PPP1R18: variants seen among roughly 807,000 people sequenced by gnomAD.
PPP1R18 encodes protein phosphatase 1 regulatory subunit 18, also known as phostensin.
In PPP1R18, 31 loss-of-function variants were observed where a neutral mutation model predicts 54.8. The observed-to-expected ratio is 0.57, with a 90% confidence interval of 0.43 to 0.76. The LOEUF is 0.76. PPP1R18 is among the 30% of genes least tolerant of loss of function. PPP1R18 has a pLI of 0.00. For missense variants in PPP1R18, 685 were observed against 776.1 expected (o/e 0.88, Z 1.39); for synonymous variants, 310 against 320.2 (o/e 0.97, Z 0.34).
At position 30,685,006 on chromosome 6, in the gene PPP1R18, G is replaced by A. The variant is rs1192979954; in HGVS notation, c.1013C>T (p.Ser338Phe). 1 of 1,613,052 alleles carries A rather than the reference G, an allele frequency of 6.2e-7. No individual in the cohort carries two copies. The highest frequency in any genetic ancestry group is 8.5e-7 in the Non-Finnish European group (1 of 1,179,988). The change falls in exon 1 of 3, where the codon TCC becomes TTC. Residue 338 changes from serine (S) to phenylalanine (F), a missense_variant. Transcript: ENST00000274853. This position sits in a 1 kb window ranked among gnomAD's most constrained non-coding sequence, Gnocchi z 5.0. ...PTEGWKWTLN[S>F]GKAREWTPRD... is the part of the protein sequence containing the mutation. ...GGGTGTCCATTCTCGAGCCTTCCCG[G>A]AGTTCAGGGTCCATTTCCACCCTTC...
At position 30,685,621 on chromosome 6, in the gene PPP1R18, C is replaced by G; in HGVS notation, c.398G>C (p.Ser133Thr). ...TTCTCTTGACTCTCTTCCCTTGGGGCTCTGATCCCGCATCTCCCCAGGGCT... is the reference window on the plus strand; with the variant it reads ...TTCTCTTGACTCTCTTCCCTTGGGGGTCTGATCCCGCATCTCCCCAGGGCT... Reference protein sequence around the residue: ...RPSPGEMRDQSPKGRESREER... With the variant: ...RPSPGEMRDQTPKGRESREER... The change falls in exon 1 of 3, where the codon AGC becomes ACC. Residue 133 changes from serine to threonine, a missense_variant. Coordinates refer to ENST00000274853, the MANE Select transcript of PPP1R18 (RefSeq NM_133471.4). This position sits in a 1 kb window ranked among gnomAD's most constrained non-coding sequence, Gnocchi z 5.0. The G allele has an allele frequency of 6.2e-7, 1 of 1,613,090 alleles. No homozygotes were observed. The highest frequency in any genetic ancestry group is 8.5e-7 in the Non-Finnish European group (1 of 1,180,020).
intron 1 of PPP1R18, among the ~76,000 whole-genome samples, chr6:30,682,353 CT>C (rs1296136462): frequency 2.6e-5 from 4 of 152,216 alleles, no homozygotes; most frequent in Non-Finnish European, 4.4e-5. Context: ...CAGCCATCCC[CT>C]GGGCTCCAGT....
intron 1 of PPP1R18, among the ~76,000 whole-genome samples, chr6:30,682,911 C>T (rs1267695504): frequency 2.6e-5 from 4 of 152,194 alleles, no homozygotes; most frequent in Non-Finnish European, 5.9e-5. Flanking sequence ...GCACAAGCCT[C>T]TCTCAGTAGG....
chr6:30,684,284 G>A lies in PPP1R18; in HGVS notation c.1611+124C>T, dbSNP rs1030816669. 2.1e-6 allele frequency: 2 copies of A among 956,202 alleles called. No individual in the cohort carries two copies. The highest frequency in any genetic ancestry group is 6.3e-5 in the Admixed American group (2 of 31,528). The allele number at this position is 956,202 out of a possible 1,614,324, so 59.2% of individuals were successfully genotyped here. A position where few individuals can be genotyped will look rare whatever the true frequency, so the allele number is the denominator to read the frequency against. ...ATGTGCAGAGCGAGGAAGGGTGGTG[G>A]CAGGAATTAACAAGAAAGAATAGAG... On this transcript the variant is annotated intron_variant, in intron 1 of 2. Coordinates refer to ENST00000274853, the MANE Select transcript of PPP1R18 (RefSeq NM_133471.4). The surrounding 1 kb of genome is among the most constrained non-coding windows in gnomAD (Gnocchi z 6.0).
intron 2 of PPP1R18, 135 bp downstream of exon 2, chr6:30,679,044 A>T (rs1770367635): frequency 1.6e-6 from 1 of 624,552 alleles, no homozygotes; most frequent in African/African-American, 1.9e-5. Context: ...CCATCTGTTA[A>T]AGGAGCATGT....
Position 30,685,820 on chromosome 6 carries a change from C to A in PPP1R18, c.199G>T (p.Ala67Ser). ...GACTCATCCGGGTCTGGAGGTCCAG[C>A]CTCTACAGTCCCTAGCACAGGGCTA... ...EPSPVLGTVE[A>S]GPPDPDESAV... Residue 67 changes from alanine to serine, a missense_variant, in exon 1 of 3, where the codon GCT (alanine) becomes TCT (serine). Coordinates refer to ENST00000274853, the MANE Select transcript of PPP1R18 (RefSeq NM_133471.4). This position sits in a 1 kb window ranked among gnomAD's most constrained non-coding sequence, Gnocchi z 5.0. 6.2e-7 allele frequency: 1 copy of A among 1,612,980 alleles called. No homozygotes were observed. Among genetic ancestry groups the A allele is most frequent in the Non-Finnish European group, 8.5e-7 (1 of 1,180,022 alleles).
rs57615862 is a variant in PPP1R18 at position 30,685,716 on chromosome 6, T to TTGCTGC, written c.297_302dup (p.Gln102_Gln103dup). On this transcript the variant is annotated inframe_insertion, in exon 1 of 3. Transcript: ENST00000274853. This position sits in a 1 kb window ranked among gnomAD's most constrained non-coding sequence, Gnocchi z 5.0. ...CTAGCAGCTCTTCACTCCGTTGTTG[T>TTGCTGC]TGCTGCTGCTGCTGCTGCCGCTCCT... 204 of 1,612,760 alleles carry TTGCTGC rather than the reference T, an allele frequency of 1.3e-4. 1 individual carries two copies. The African/African-American group carries it at 2.1e-3, about 17-fold the overall frequency.
Position 30,684,870 on chromosome 6 carries a change from C to A in PPP1R18, c.1149G>T (p.Ala383=). 6.2e-7 allele frequency: 1 copy of A among 1,612,904 alleles called. No individual in the cohort carries two copies. The highest frequency in any genetic ancestry group is 8.5e-7 in the Non-Finnish European group (1 of 1,180,018). ...AGEGEAEKEE[A]GAQGRPLRAL... ...CTCTCAGAGGCCTGCCCTGAGCCCCCGCCTCCTCCTTCTCAGCCTCCCCTT... is the reference window on the plus strand; with the variant it reads ...CTCTCAGAGGCCTGCCCTGAGCCCCAGCCTCCTCCTTCTCAGCCTCCCCTT... The change falls in exon 1 of 3, where the codon GCG becomes GCT. Residue 383 remains alanine (A), a synonymous_variant. Transcript: ENST00000274853. The surrounding 1 kb of genome is among the most constrained non-coding windows in gnomAD (Gnocchi z 6.0).
At chr6:30,680,815 G>A (rs1770503815) in intron 1 of PPP1R18, among the ~76,000 whole-genome samples, 1 of 152,074 alleles carries the variant, frequency 6.6e-6, no homozygotes, top group Non-Finnish European at 1.5e-5. Context: ...GCTGGGCGCG[G>A]TGGTTCATGC....
At chr6:30,688,386 G>C (rs1771169598), upstream of PPP1R18, 2 of 542,262 alleles carry the variant, frequency 3.7e-6, no homozygotes, top group Middle Eastern at 4.8e-4. This position sits in a 1 kb window ranked among gnomAD's most constrained non-coding sequence, Gnocchi z 5.9. Context: ...GGCTGTTGAG[G>C]GGGAGAGTGT....
At position 30,684,132 on chromosome 6, in the gene PPP1R18, A is replaced by G. The variant is rs1340147314; in HGVS notation, c.1611+276T>C. 6.6e-6 allele frequency among the ~76,000 whole-genome samples: 1 copy of G among 152,124 alleles called. No individual in the cohort carries two copies. The highest frequency in any genetic ancestry group is 1.5e-5 in the Non-Finnish European group (1 of 68,026). On this transcript the variant is annotated intron_variant, in intron 1 of 2. Transcript: ENST00000274853. The surrounding 1 kb of genome is among the most constrained non-coding windows in gnomAD (Gnocchi z 6.0). ...AAAGAAAAGGGGGTTGGAAACTCAG[A>G]GCCCAAGGGAAGGGAGAATGAGCAG...
At chr6:30,681,294 C>A (rs925600769) in intron 1 of PPP1R18, among the ~76,000 whole-genome samples, 1 of 151,934 alleles carries the variant, frequency 6.6e-6, no homozygotes, top group Non-Finnish European at 1.5e-5. Flanking sequence ...AACACTCCCC[C>A]AAAATATCCC....
At chr6:30,677,419 A>G (rs1770261580) in intron 2 of PPP1R18, 131 bp from the exon 3 acceptor site, 2 of 703,536 alleles carry the variant, frequency 2.8e-6, no homozygotes, top group Non-Finnish European at 4.7e-6. Flanking sequence ...TATCTAAAGC[A>G]TGTTACCACC....
chr6:30,686,351 T>G lies in PPP1R18; in HGVS notation c.-333A>C. The G allele has an allele frequency of 2.9e-6, 1 of 346,838 alleles. No individual in the cohort carries two copies. The highest frequency in any genetic ancestry group is 4.6e-5 in the East Asian group (1 of 21,912). 21.5% of individuals were successfully genotyped at this position (346,838 alleles called of 1,614,324 possible). On this transcript the variant is annotated 5_prime_UTR_variant, in exon 1 of 3. Coordinates refer to ENST00000274853, the MANE Select transcript of PPP1R18 (RefSeq NM_133471.4). ...GTTAATGCGTATTAAAGACCGTCTCTAGGATGTGAGAAAGAGAGAGAAGGG... is the reference window on the plus strand; with the variant it reads ...GTTAATGCGTATTAAAGACCGTCTCGAGGATGTGAGAAAGAGAGAGAAGGG...
Position 30,679,296 on chromosome 6 carries a change from C to A in PPP1R18, c.1705G>T (p.Val569Phe). Residue 569 changes from valine (V) to phenylalanine (F), a missense_variant, in exon 2 of 3, where the codon GTC becomes TTC. Physicochemically the swap from Val to Phe is conservative, Grantham distance 50. Coordinates refer to ENST00000274853, the MANE Select transcript of PPP1R18 (RefSeq NM_133471.4). ...VLEELGPEPE[V>F]PSAPNPPAAQ... ...GCTGGAGGGTTGGGGGCACTGGGGA[C>A]CTCAGGCTCCGGGCCCAGCTCCTCC... 1 of 1,549,044 alleles carries A rather than the reference C, an allele frequency of 6.5e-7. No individual in the cohort carries two copies. The highest frequency in any genetic ancestry group is 8.7e-7 in the Non-Finnish European group (1 of 1,146,806).
Position 30,685,252 on chromosome 6 carries a change from A to G in PPP1R18, c.767T>C (p.Leu256Pro), listed in dbSNP as rs1770827339. The G allele has an allele frequency of 6.2e-7, 1 of 1,612,950 alleles. No individual in the cohort carries two copies. Among genetic ancestry groups the G allele is most frequent in the Non-Finnish European group, 8.5e-7 (1 of 1,179,992 alleles). Residue 256 changes from leucine to proline, a missense_variant, in exon 1 of 3, where the codon CTG becomes CCG. Leu to Pro is a moderately conservative substitution (Grantham distance 98, BLOSUM62 -3). Coordinates refer to ENST00000274853, the MANE Select transcript of PPP1R18 (RefSeq NM_133471.4). This position sits in a 1 kb window ranked among gnomAD's most constrained non-coding sequence, Gnocchi z 5.0. ...CCTCAGCCTCCACTCTGTTGCCTCCAGTTGTACCAAACTCTGTTCCTGAGA... is the reference window on the plus strand; with the variant it reads ...CCTCAGCCTCCACTCTGTTGCCTCCGGTTGTACCAAACTCTGTTCCTGAGA... ...RESQEQSLVQ[L>P]EATEWRLRSG... is the part of the protein sequence containing the mutation.
upstream of PPP1R18, chr6:30,688,388 GGA>G: frequency 3.7e-6 from 2 of 546,090 alleles, no homozygotes; most frequent in South Asian, 4.7e-5. This position sits in a 1 kb window ranked among gnomAD's most constrained non-coding sequence, Gnocchi z 5.9. Flanking sequence ...CTGTTGAGGG[GGA>G]GAGTGTCATG....
rs766975437 is a variant in PPP1R18 at position 30,685,773 on chromosome 6, G to A, written c.246C>T (p.Ile82=). ...PDESAVLLEA[I]GPVHQNRFIR... ...TGAATCGGTTCTGGTGCACTGGCCC[G>A]ATGGCCTCCAGAAGGACCGCAGACT... The change falls in exon 1 of 3, where the codon ATC becomes ATT. Residue 82 remains isoleucine, a synonymous_variant. Coordinates refer to ENST00000274853, the MANE Select transcript of PPP1R18 (RefSeq NM_133471.4). The surrounding 1 kb of genome is among the most constrained non-coding windows in gnomAD (Gnocchi z 5.0). The A allele has an allele frequency of 5.5e-5, 89 of 1,612,908 alleles. No homozygotes were observed. The highest frequency in any genetic ancestry group is 3.3e-4 in the Middle Eastern group (2 of 6,084).
intron 1 of PPP1R18, 53 bp from the exon 2 acceptor site, chr6:30,679,442 C>T (rs992094795): frequency 5.8e-6 from 2 of 345,196 alleles, no homozygotes; most frequent in Admixed American, 4.7e-5. Context: ...GGGAGAAGCC[C>T]GCGGGGGTTG....
Sources: allele counts gnomAD v4.1 joint callset (sites outside exome capture counted in the v4.1 genomes callset), GRCh38; gene constraint gnomAD v4.1.1; non-coding constraint Gnocchi (gnomAD v3.1); transcripts MANE v1.5; gene names NCBI Gene and HGNC (gene_info 2026-07-23, HGNC 2026-07-21).